Variants in PLEKHH1 observed in about 807,000 individuals in gnomAD.
The protein encoded by PLEKHH1 is pleckstrin homology, MyTH4 and FERM domain containing H1, also known as pleckstrin homology domain-containing family H member 1.
Under a neutral mutation model 160.0 loss-of-function variants are expected in PLEKHH1, and 104 were observed. The observed-to-expected ratio is 0.65, with a 90% CI of 0.55 to 0.76. The LOEUF is 0.76. PLEKHH1 is among the 30% of genes least tolerant of loss of function. PLEKHH1 has a pLI of 0.00. For synonymous variants in PLEKHH1, 619 were observed against 678.4 expected (o/e 0.91, Z 1.36); for missense variants, 1,427 against 1,724.1 (o/e 0.83, Z 3.05).
In PLEKHH1 at chr14:67,576,137, G is replaced by A; in HGVS notation, c.2352+132G>A. On this transcript the variant is annotated intron_variant, in intron 16 of 28. Coordinates refer to ENST00000329153, the MANE Select transcript of PLEKHH1 (RefSeq NM_020715.3). This position sits in a 1 kb window ranked among gnomAD's most constrained non-coding sequence, Gnocchi z 4.0. ...GACACTTTGGCAACTAATATTCTCT[G>A]AATGGGAATATTCCTTTATACTGAA... 1.4e-6 allele frequency: 1 copy of A among 704,582 alleles called. No homozygotes were observed. Among genetic ancestry groups the A allele is most frequent in the South Asian group, 1.9e-5 (1 of 51,284 alleles). 43.6% of individuals were successfully genotyped at this position (704,582 alleles called of 1,614,324 possible). A position where few individuals can be genotyped will look rare whatever the true frequency, so the allele number is the denominator to read the frequency against.
chr14:67,562,276 G>A lies in PLEKHH1; in HGVS notation c.645G>A (p.Val215=). The A allele has an allele frequency of 6.2e-7, 1 of 1,613,700 alleles. No individual in the cohort carries two copies. The highest frequency in any genetic ancestry group is 8.5e-7 in the Non-Finnish European group (1 of 1,179,766). ...GSQAQGLKAA[V]LAPSPGALQS... is the part of the protein sequence containing the mutation. Reference sequence around the variant, plus strand: ...AGGCCCAGGGTCTGAAGGCAGCTGTGCTTGCACCTTCCCCAGGTGCCCTGC... The same window carrying A: ...AGGCCCAGGGTCTGAAGGCAGCTGTACTTGCACCTTCCCCAGGTGCCCTGC... Residue 215 remains valine (V), a synonymous_variant, in exon 7 of 29, where the codon GTG becomes GTA. Coordinates refer to ENST00000329153, the MANE Select transcript of PLEKHH1 (RefSeq NM_020715.3).
In PLEKHH1 at chr14:67,582,124, G is replaced by T; in HGVS notation, c.3340G>T (p.Ala1114Ser). The T allele has an allele frequency of 6.2e-7, 1 of 1,613,560 alleles. No individual in the cohort carries two copies. The highest frequency in any genetic ancestry group is 8.5e-7 in the Non-Finnish European group (1 of 1,179,798). The change falls in exon 24 of 29, where the codon GCC becomes TCC. Residue 1114 changes from alanine (A) to serine (S), a missense_variant. This residue lies in a region of PLEKHH1 where 436 missense variants were observed against 607.5 expected (regional missense o/e 0.72). Transcript: ENST00000329153. This position sits in a 1 kb window ranked among gnomAD's most constrained non-coding sequence, Gnocchi z 5.0. The part of the protein sequence containing the change: ...GETDRERLLL[A>S]SQTSREIVAG... Reference sequence around the variant, plus strand: ...GACGGACCGAGAACGGCTGCTCCTTGCCTCTCAAACCAGTAGAGAGATAGT... The same window carrying T: ...GACGGACCGAGAACGGCTGCTCCTTTCCTCTCAAACCAGTAGAGAGATAGT...
rs749625038 is a variant in PLEKHH1, at chr14:67,576,055, G to C, written c.2352+50G>C. On this transcript the variant is annotated intron_variant, in intron 16 of 28. Transcript: ENST00000329153. The surrounding 1 kb of genome is among the most constrained non-coding windows in gnomAD (Gnocchi z 4.0). ...GGGCCAAGCTTGGACCTGTGATTCT[G>C]ATCTTCCCTTCTCTCTTTCTCCTGA... The C allele has an allele frequency of 7.1e-7, 1 of 1,405,664 alleles. No individual in the cohort carries two copies. Among genetic ancestry groups the C allele is most frequent in the Middle Eastern group, 1.8e-4 (1 of 5,502 alleles). 87.1% of individuals were successfully genotyped at this position (1,405,664 alleles called of 1,614,324 possible). A position where few individuals can be genotyped will look rare whatever the true frequency, so the allele number is the denominator to read the frequency against.
intron 21 of PLEKHH1, 58 bp downstream of exon 21, chr14:67,579,369 AC>A: frequency 7.5e-7 from 1 of 1,332,102 alleles, no homozygotes; most frequent in South Asian, 1.6e-5. Context: ...TCCAGAGAAT[AC>A]CCCTGGGCCT....
intron 23 of PLEKHH1, 136 bp from the exon 24 acceptor site, chr14:67,581,933 C>A: frequency 1.3e-6 from 1 of 792,368 alleles, no homozygotes; most frequent in South Asian, 1.8e-5. Flanking sequence ...TTTCTGGAGG[C>A]AATACAAAAT....
intron 2 of PLEKHH1, among the ~76,000 whole-genome samples, chr14:67,547,093 C>G (rs187909993): frequency 1.8e-3 from 274 of 152,166 alleles, no homozygotes; most frequent in African/African-American, 6.4e-3. Context: ...TGTCTCTGAT[C>G]CTCATGTAAC....
chr14:67,557,158 G>A (rs2034627480), intron 3 of PLEKHH1, 111 bp from the exon 4 acceptor site: 3 of 797,544 alleles, frequency 3.8e-6, no homozygotes, highest in Admixed American at 2.4e-5. Flanking sequence ...TAAGGGCTGT[G>A]CCTGGGAGTC....
intron 1 of PLEKHH1, 142 bp from the exon 2 acceptor site, chr14:67,541,691 AG>A (rs2033969557): frequency 1.9e-6 from 1 of 539,492 alleles, no homozygotes; most frequent in Admixed American, 3.8e-5. Flanking sequence ...CCTGGGGATC[AG>A]TGACCAATTC....
At chr14:67,586,898 A>C in intron 28 of PLEKHH1, 176 bp from the exon 29 acceptor site, 3 of 1,531,092 alleles carry the variant, frequency 2.0e-6, no homozygotes, top group Non-Finnish European at 2.6e-6. Context: ...AGCCCACACC[A>C]CTGGGCCTCT....
chr14:67,538,725 C>T (rs572509072), intron 1 of PLEKHH1, among the ~76,000 whole-genome samples: 1 of 152,306 alleles, frequency 6.6e-6, no homozygotes, highest in South Asian at 2.1e-4. Context: ...CGAGTCCCAA[C>T]CTCCTCAGCA....
chr14:67,533,415 C>G lies in PLEKHH1; in HGVS notation c.-35+17C>G, dbSNP rs910228400. The G allele has an allele frequency of 1.3e-5, 2 of 151,892 alleles. No individual in the cohort carries two copies. Among genetic ancestry groups the G allele is most frequent in the South Asian group, 2.1e-4 (1 of 4,828 alleles). The allele number at this position is 151,892 out of a possible 1,614,324, so 9.4% of individuals were successfully genotyped here. On this transcript the variant is annotated intron_variant, in intron 1 of 28. Transcript: ENST00000329153. The stretch of plus-strand genomic sequence containing the variant: ...TCGCTGGAGGTGAGCGACCCGCGCT[C>G]CCGCCGCTGTGGTGGGCTGGGGCTG...
rs112023707 is a variant in PLEKHH1, at chr14:67,579,072, C to T, written c.2850-62C>T. On this transcript the variant is annotated intron_variant, in intron 20 of 28. Transcript: ENST00000329153. ...TCCTGGCTGAGTCTAGATAGGGATCCGGGGTGCCAAAGTGGCAGAGATGAG... is the reference window on the plus strand; with the variant it reads ...TCCTGGCTGAGTCTAGATAGGGATCTGGGGTGCCAAAGTGGCAGAGATGAG... 343 of 1,201,134 alleles carry T rather than the reference C, an allele frequency of 2.9e-4. 1 individual carries two copies. In the African/African-American group the frequency reaches 4.0e-3, roughly 14 times the overall value. 74.4% of individuals were successfully genotyped at this position (1,201,134 alleles called of 1,614,324 possible).
At chr14:67,577,448 G>A (rs1330713001) in intron 18 of PLEKHH1, 34 bp downstream of exon 18, 1 of 1,314,838 alleles carries the variant, frequency 7.6e-7, no homozygotes. Flanking sequence ...CCACCGCTGG[G>A]ATACTTGCAA....
At chr14:67,539,424 C>T (rs927614288) in intron 1 of PLEKHH1, among the ~76,000 whole-genome samples, 11 of 152,128 alleles carry the variant, frequency 7.2e-5, no homozygotes, top group African/African-American at 2.4e-4. Context: ...AACCAAGAAG[C>T]GAGCTTACTC....
Position 67,579,760 on chromosome 14 carries a change from C to CT in PLEKHH1, c.3068dup (p.Gln1024ProfsTer41). ...CGGCTCTTCCACGGTTGATGAGTTC[C>CT]TCCAGCGGCTGAACCAGGAGATAGG... On this transcript the variant is annotated frameshift_variant, in exon 22 of 29. Coordinates refer to ENST00000329153, the MANE Select transcript of PLEKHH1 (RefSeq NM_020715.3). LOFTEE classifies it high-confidence loss of function. 1.2e-6 allele frequency: 2 copies of CT among 1,612,890 alleles called. No individual in the cohort carries two copies. The highest frequency in any genetic ancestry group is 1.7e-6 in the Non-Finnish European group (2 of 1,179,486).
At position 67,579,181 on chromosome 14, in the gene PLEKHH1, G is replaced by A. The variant is rs773379741; in HGVS notation, c.2897G>A (p.Arg966Gln). The A allele has an allele frequency of 2.4e-5, 38 of 1,609,270 alleles. No individual in the cohort carries two copies. The highest frequency in any genetic ancestry group is 5.1e-5 in the Admixed American group (3 of 58,394). The change falls in exon 21 of 29, where the codon CGG (arginine) becomes CAG (glutamine). Residue 966 changes from arginine to glutamine, a missense_variant. By Grantham distance (43) the Arg-to-Gln change is conservative. Coordinates refer to ENST00000329153, the MANE Select transcript of PLEKHH1 (RefSeq NM_020715.3). ...YATYCQRAVE[R>Q]TLRTGEREAR... is the part of the protein sequence containing the mutation. ...ACCTACTGCCAGCGGGCAGTGGAGC[G>A]GACCCTGCGGACCGGGGAGCGGGAA...
chr14:67,536,518 G>C (rs1374869067), intron 1 of PLEKHH1, among the ~76,000 whole-genome samples: 2 of 151,782 alleles, frequency 1.3e-5, no homozygotes, highest in African/African-American at 4.9e-5. Flanking sequence ...AAGCCCCGTT[G>C]CCTTCCAATG....
rs550459471 is a variant in PLEKHH1 at position 67,585,513 on chromosome 14, T to C, written c.3700-55T>C. On this transcript the variant is annotated intron_variant, in intron 26 of 28. Coordinates refer to ENST00000329153, the MANE Select transcript of PLEKHH1 (RefSeq NM_020715.3). Reference sequence around the variant, plus strand: ...TGCCTTCTTTCTCAGAAAGTTATTATAGTTCAAAATCTCTAACTATGGATA... The same window carrying C: ...TGCCTTCTTTCTCAGAAAGTTATTACAGTTCAAAATCTCTAACTATGGATA... The C allele has an allele frequency of 1.0e-5, 12 of 1,202,146 alleles. No homozygotes were observed. The Admixed American group carries it at 1.7e-4, about 17-fold the overall frequency. 74.5% of individuals were successfully genotyped at this position (1,202,146 alleles called of 1,614,324 possible).
chr14:67,553,231 G>T (rs1030357845), intron 2 of PLEKHH1, among the ~76,000 whole-genome samples: 2 of 152,224 alleles, frequency 1.3e-5, no homozygotes, highest in Non-Finnish European at 2.9e-5. Flanking sequence ...CTACAGAGCA[G>T]ATTAGTTAGG....
Sources: gnomAD v4.1 joint callset for allele counts (sites outside exome capture counted in the v4.1 genomes callset) on GRCh38, gnomAD v4.1.1 for gene constraint, gnomAD v4.1.1 regional missense constraint, Gnocchi (gnomAD v3.1) non-coding constraint, MANE v1.5 for transcripts, NCBI Gene and HGNC (gene_info 2026-07-23, HGNC 2026-07-21) for gene names.